The following CACNG2 variants were observed in gnomAD, a reference collection of about 807,000 sequenced individuals.
The protein encoded by CACNG2 is calcium voltage-gated channel auxiliary subunit gamma 2.
CACNG2 carries 3 observed loss-of-function variants against 25.9 expected under a neutral mutation model. The ratio of observed to expected loss-of-function variants is 0.12; its 90% CI spans 0.05 to 0.30. The LOEUF is 0.30. CACNG2 is among the 10% of genes least tolerant of loss of function. The pLI, the probability that CACNG2 is intolerant of heterozygous loss-of-function variation, is 1.00. For synonymous variants in CACNG2, 167 were observed against 173.3 expected (o/e 0.96, Z 0.29); for missense variants, 341 against 432.5 (o/e 0.79, Z 1.88).
intron 1 of CACNG2, among the ~76,000 whole-genome samples, chr22:36,607,663 G>A (rs1045718248): frequency 7.1e-6 from 1 of 140,430 alleles, no homozygotes; most frequent in Non-Finnish European, 1.5e-5. Flanking sequence ...GTGCAACGAG[G>A]ACCCACAGGC....
chr22:36,660,405 A>G (rs974690745), intron 1 of CACNG2, among the ~76,000 whole-genome samples: 6 of 152,222 alleles, frequency 3.9e-5, no homozygotes, highest in African/African-American at 1.4e-4. Context: ...CATATGTCAC[A>G]TTTCAGCATT....
intron 1 of CACNG2, among the ~76,000 whole-genome samples, chr22:36,686,087 G>A (rs1601456282): frequency 6.6e-6 from 1 of 152,218 alleles, no homozygotes; most frequent in African/African-American, 2.4e-5. Flanking sequence ...GATCTTTGCC[G>A]ACATCTGAAC....
At chr22:36,640,161 C>T (rs1936421306) in intron 1 of CACNG2, among the ~76,000 whole-genome samples, 1 of 152,168 alleles carries the variant, frequency 6.6e-6, no homozygotes, top group African/African-American at 2.4e-5. Flanking sequence ...TATAGTTGTG[C>T]CTCAGTTTTC....
At chr22:36,626,917 C>G (rs944848372) in intron 1 of CACNG2, among the ~76,000 whole-genome samples, 1 of 152,234 alleles carries the variant, frequency 6.6e-6, no homozygotes, top group Non-Finnish European at 1.5e-5. Flanking sequence ...TTCATTTAAT[C>G]ATGGTATAAT....
intron 1 of CACNG2, among the ~76,000 whole-genome samples, chr22:36,632,067 G>A (rs1936280762): frequency 6.6e-6 from 1 of 152,152 alleles, no homozygotes; most frequent in African/African-American, 2.4e-5. Context: ...TCATGTACAG[G>A]GGTGGACTAT....
At chr22:36,651,128 T>A (rs1013753588) in intron 1 of CACNG2, among the ~76,000 whole-genome samples, 2 of 152,086 alleles carry the variant, frequency 1.3e-5, no homozygotes, top group Non-Finnish European at 2.9e-5. Context: ...ATGCAAACAC[T>A]GTGTGGTCCC....
intron 1 of CACNG2, among the ~76,000 whole-genome samples, chr22:36,598,261 A>T (rs1409771885): frequency 1.3e-5 from 2 of 152,186 alleles, no homozygotes; most frequent in Non-Finnish European, 2.9e-5. Context: ...GTTGAGCATC[A>T]TGCCAAATAT....
chr22:36,679,707 G>T (rs1489346869), intron 1 of CACNG2, among the ~76,000 whole-genome samples: 1 of 152,104 alleles, frequency 6.6e-6, no homozygotes, highest in African/African-American at 2.4e-5. Flanking sequence ...TACGTGTGAT[G>T]GAGAAAGAGC....
At chr22:36,696,301 C>A (rs1349047046) in intron 1 of CACNG2, among the ~76,000 whole-genome samples, 1 of 152,186 alleles carries the variant, frequency 6.6e-6, no homozygotes, top group Admixed American at 6.5e-5. Flanking sequence ...CGTTCAGTCT[C>A]TCTTCCTCTC....
At chr22:36,662,961 G>A (rs895310715) in intron 1 of CACNG2, among the ~76,000 whole-genome samples, 13 of 151,892 alleles carry the variant, frequency 8.6e-5, no homozygotes, top group African/African-American at 3.1e-4. Context: ...CTGGGGCCCT[G>A]CACCACACAG....
In CACNG2 at chr22:36,564,551, T is replaced by A; in HGVS notation, c.772A>T (p.Lys258Ter). 1 of 1,614,086 alleles carries A rather than the reference T, an allele frequency of 6.2e-7. No homozygotes were observed. The highest frequency in any genetic ancestry group is 2.2e-5 in the East Asian group (1 of 44,862). ...GTGGACGGCAGGGTGTTGAAGCCCT[T>A]GATGCCCACGGGGGAGGCGTCCCTG... ...HSRDASPVGI[K>*]GFNTLPSTEI... The change falls in exon 4 of 4, where the codon AAG becomes TAG. Residue 258 changes from lysine to a stop codon, truncating the protein, a stop_gained. Coordinates refer to ENST00000300105, the MANE Select transcript of CACNG2 (RefSeq NM_006078.5). LOFTEE classifies it high-confidence loss of function. The surrounding 1 kb of genome is among the most constrained non-coding windows in gnomAD (Gnocchi z 6.7).
At chr22:36,670,671 G>T (rs1341700872) in intron 1 of CACNG2, among the ~76,000 whole-genome samples, 2 of 151,744 alleles carry the variant, frequency 1.3e-5, no homozygotes, top group Non-Finnish European at 2.9e-5. Context: ...TCCCTCTGTT[G>T]CCCAGGCTGG....
intron 1 of CACNG2, among the ~76,000 whole-genome samples, chr22:36,681,609 CT>C (rs1283792536): frequency 9.2e-5 from 14 of 152,194 alleles, no homozygotes; most frequent in Admixed American, 3.3e-4. Flanking sequence ...TTCTCCCACC[CT>C]TTCCTTTTGT....
chr22:36,645,536 C>CAAAAAAAAAAAAAAAAAA (rs200600420), intron 1 of CACNG2, among the ~76,000 whole-genome samples: 4 of 134,760 alleles, frequency 3.0e-5, no homozygotes, highest in African/African-American at 8.3e-5. Context: ...GACTCTGTCT[C>CAAAAAAAAAAAAAAAAAA]AAAAAAAAAA....
intron 1 of CACNG2, among the ~76,000 whole-genome samples, chr22:36,651,132 T>C (rs1246449766): frequency 1.3e-5 from 2 of 151,922 alleles, no homozygotes; most frequent in Admixed American, 6.6e-5. Context: ...AAACACTGTG[T>C]GGTCCCATAA....
intron 1 of CACNG2, among the ~76,000 whole-genome samples, chr22:36,609,072 G>A (rs1288871312): frequency 1.3e-5 from 2 of 152,204 alleles, no homozygotes; most frequent in African/African-American, 4.8e-5. Context: ...AGCCGTTCAT[G>A]TATATGGATA....
rs995503712 is a variant in CACNG2, at chr22:36,564,185, C to CTT, written c.*164_*165dup. ...AAAATTTACTTGTTATGTTTTTTCT[C>CTT]TTTTTTTGTGTGTGTGTGTTTTTTT... On this transcript the variant is annotated 3_prime_UTR_variant, in exon 4 of 4. Coordinates refer to ENST00000300105, the MANE Select transcript of CACNG2 (RefSeq NM_006078.5). This position sits in a 1 kb window ranked among gnomAD's most constrained non-coding sequence, Gnocchi z 6.7. 31 of 534,294 alleles carry CTT rather than the reference C, an allele frequency of 5.8e-5. No individual in the cohort carries two copies. Among genetic ancestry groups the CTT allele is most frequent in the South Asian group, 5.4e-4 (15 of 27,820 alleles). 33.1% of individuals were successfully genotyped at this position (534,294 alleles called of 1,614,324 possible).
chr22:36,629,221 C>A (rs1936230709), intron 1 of CACNG2, among the ~76,000 whole-genome samples: 1 of 152,134 alleles, frequency 6.6e-6, no homozygotes, highest in Non-Finnish European at 1.5e-5. Context: ...ATAACCGAAG[C>A]CTTAAATACT....
chr22:36,682,096 C>A (rs931712634), intron 1 of CACNG2, among the ~76,000 whole-genome samples: 3 of 152,208 alleles, frequency 2.0e-5, no homozygotes. Context: ...AATTTCTGCT[C>A]CTTTACACAC....
Sources: gnomAD v4.1 joint callset for allele counts (sites outside exome capture counted in the v4.1 genomes callset) on GRCh38, gnomAD v4.1.1 for gene constraint, Gnocchi (gnomAD v3.1) non-coding constraint, MANE v1.5 for transcripts, NCBI Gene and HGNC (gene_info 2026-07-23, HGNC 2026-07-21) for gene names.